DHRSX: variants seen among roughly 807,000 people sequenced by gnomAD.
The protein encoded by DHRSX is polyprenol dehydrogenase.
In DHRSX, 31 loss-of-function variants were observed where a neutral mutation model predicts 34.0. The observed-to-expected ratio is 0.91, with a 90% CI of 0.69 to 1.23. DHRSX has a LOEUF of 1.23. Ranked by LOEUF, DHRSX falls within the 50% of genes most tolerant of loss-of-function variation. The probability of loss-of-function intolerance (pLI) is 0.00; values close to 1 mark genes in which losing one functional copy is unlikely to be tolerated. For missense variants in DHRSX, 414 were observed against 428.1 expected, an observed-to-expected ratio of 0.97 and a Z score of 0.29; for synonymous variants, 201 against 183.8, an observed-to-expected ratio of 1.09 and a Z score of -0.76.
intron 1 of DHRSX, among the ~76,000 whole-genome samples, chrX:2,445,977 C>T (rs1481028393): frequency 6.6e-6 from 1 of 150,624 alleles, no homozygotes; most frequent in Non-Finnish European, 1.5e-5. Flanking sequence ...AGGGACCGCA[C>T]TGAAGACGTT....
intron 3 of DHRSX, among the ~76,000 whole-genome samples, chrX:2,390,989 T>A (rs1175568021): frequency 6.6e-6 from 1 of 152,218 alleles, no homozygotes; most frequent in Non-Finnish European, 1.5e-5. Context: ...TGAATACCCT[T>A]CCTTTTTTAT....
chrX:2,397,571 CA>C (rs34214122), intron 3 of DHRSX, among the ~76,000 whole-genome samples: 106,499 of 147,616 alleles, frequency 0.72, 38,554 homozygotes, highest in Admixed American at 0.76. Flanking sequence ...CATTCACAGA[CA>C]AAAAAAAAAA....
intron 2 of DHRSX, among the ~76,000 whole-genome samples, chrX:2,419,795 A>G (rs2043749463): frequency 7.8e-6 from 1 of 128,688 alleles, no homozygotes; most frequent in Admixed American, 8.9e-5. Context: ...AGGAAGGGGA[A>G]CATCACACAC....
intron 1 of DHRSX, among the ~76,000 whole-genome samples, chrX:2,465,387 C>A (rs1389499403): frequency 6.6e-6 from 1 of 152,124 alleles, no homozygotes; most frequent in Non-Finnish European, 1.5e-5. Context: ...TCTCCCCATC[C>A]CTCCTCAATC....
rs551683660 is a variant in DHRSX at position 2,400,733 on chromosome X, G to A, written c.286+8012C>T. On this transcript the variant is annotated intron_variant, in intron 3 of 6. Transcript: ENST00000334651. ...ACGGGTCACAAAGAGCTCTCTTACT[G>A]ACAACAAGCATTCATCCTACACTTC... Among the ~76,000 whole-genome samples the A allele has an allele frequency of 5.3e-5, 8 of 152,270 alleles. No homozygotes were observed. The South Asian group carries it at 1.5e-3, about 28-fold the overall frequency.
At chrX:2,283,600 G>A (rs902657936) in intron 4 of DHRSX, among the ~76,000 whole-genome samples, 2 of 152,066 alleles carry the variant, frequency 1.3e-5, no homozygotes, top group African/African-American at 2.4e-5. Flanking sequence ...TGGGTCCTCA[G>A]TAAGGACCGG....
chrX:2,225,104 TCACA>T (rs756753896), intron 6 of DHRSX, among the ~76,000 whole-genome samples: 1 of 144,658 alleles, frequency 6.9e-6, no homozygotes, highest in African/African-American at 2.6e-5. Flanking sequence ...TGCACACAGC[TCACA>T]CACATGCACA....
chrX:2,309,193 G>A (rs1329023834), intron 3 of DHRSX, among the ~76,000 whole-genome samples: 1 of 152,092 alleles, frequency 6.6e-6, no homozygotes, highest in African/African-American at 2.4e-5. Context: ...CATGAAGAAA[G>A]GGTAGATGAG....
intron 4 of DHRSX, among the ~76,000 whole-genome samples, chrX:2,282,439 A>C (rs987829977): frequency 1.4e-4 from 20 of 147,970 alleles, no homozygotes; most frequent in Middle Eastern, 3.5e-3. Flanking sequence ...CAAAGGAGAG[A>C]GGAGGAGAGA....
At chrX:2,392,284 T>G (rs1234574728) in intron 3 of DHRSX, 1 of 155,848 alleles carries the variant, frequency 6.4e-6, no homozygotes. Flanking sequence ...ACCTCTGCTT[T>G]TATCTAAAGC....
chrX:2,495,239 G>A (rs1008189138), intron 1 of DHRSX, among the ~76,000 whole-genome samples: 5 of 151,138 alleles, frequency 3.3e-5, no homozygotes, highest in Admixed American at 6.6e-5. Context: ...GCTGAAAGAC[G>A]TTCCAGGACG....
At chrX:2,362,077 C>A (rs1222083848) in intron 3 of DHRSX, among the ~76,000 whole-genome samples, 1 of 152,096 alleles carries the variant, frequency 6.6e-6, no homozygotes, top group Non-Finnish European at 1.5e-5. Context: ...AAAAGGAAGG[C>A]TGGAGTGGAT....
chrX:2,341,053 G>C (rs1042720086), intron 3 of DHRSX, among the ~76,000 whole-genome samples: 1 of 152,052 alleles, frequency 6.6e-6, no homozygotes, highest in African/African-American at 2.4e-5. Flanking sequence ...GGGAGAAAAT[G>C]GCTGCCGCTC....
intron 4 of DHRSX, among the ~76,000 whole-genome samples, chrX:2,287,446 A>G (rs2041816821): frequency 6.6e-6 from 1 of 152,174 alleles, no homozygotes; most frequent in African/African-American, 2.4e-5. Context: ...ATGGCCCTGA[A>G]GATGTCCACA....
chrX:2,456,613 CAAAA>C (rs57262200), intron 1 of DHRSX, among the ~76,000 whole-genome samples: 1 of 108,844 alleles, frequency 9.2e-6, no homozygotes. Context: ...GACTCCTCTT[CAAAA>C]AAAAAAAAAA....
At chrX:2,335,772 C>T (rs1214494725) in intron 3 of DHRSX, among the ~76,000 whole-genome samples, 3 of 151,712 alleles carry the variant, frequency 2.0e-5, no homozygotes, top group African/African-American at 4.8e-5. Flanking sequence ...TTGAATAAAA[C>T]GGGAGGCAAG....
intron 3 of DHRSX, among the ~76,000 whole-genome samples, chrX:2,380,248 C>T (rs1254758375): frequency 7.9e-6 from 1 of 126,486 alleles, no homozygotes; most frequent in Non-Finnish European, 1.6e-5. Flanking sequence ...TTGCAGTGAG[C>T]TGAGATCATG....
chrX:2,438,183 A>G (rs1365656910), intron 1 of DHRSX, among the ~76,000 whole-genome samples: 1 of 151,000 alleles, frequency 6.6e-6, no homozygotes, highest in Admixed American at 6.6e-5. Flanking sequence ...TCTCAGAAAA[A>G]AAAAAAAAAA....
chrX:2,455,246 G>T (rs1254936322), intron 1 of DHRSX, among the ~76,000 whole-genome samples: 1 of 151,902 alleles, frequency 6.6e-6, no homozygotes, highest in Non-Finnish European at 1.5e-5. Context: ...GGTAAGCATT[G>T]GGTACCCGTG....
Sources: allele counts gnomAD v4.1 joint callset (sites outside exome capture counted in the v4.1 genomes callset), GRCh38; gene constraint gnomAD v4.1.1; transcripts MANE v1.5; gene names NCBI Gene and HGNC (gene_info 2026-07-23, HGNC 2026-07-21).